The following AAK1 variants were observed in gnomAD, a reference collection of about 807,000 sequenced individuals.
AAK1 encodes AP2-associated protein kinase 1.
Under a neutral mutation model 116.0 loss-of-function variants are expected in AAK1, and 37 were observed. The ratio of observed to expected loss-of-function variants is 0.32; its 90% CI spans 0.25 to 0.42. AAK1 has a LOEUF of 0.42. Among genes scored for constraint, AAK1 ranks in the 10% least tolerant of loss-of-function variants. The pLI is 1.00. For missense variants in AAK1, 919 were observed against 1,170.6 expected (o/e 0.79, Z 3.14); for synonymous variants, 458 against 439.9 (o/e 1.04, Z -0.51).
At chr2:69,533,098 G>A (rs1670323674) in intron 5 of AAK1, among the ~76,000 whole-genome samples, 1 of 152,192 alleles carries the variant, frequency 6.6e-6, no homozygotes, top group Admixed American at 6.5e-5. Context: ...TAAGACTGTA[G>A]TCTCCATTGT....
rs758180262 is a variant in AAK1, at chr2:69,530,660, T to C, written c.703A>G (p.Ser235Gly). 3.1e-6 allele frequency: 5 copies of C among 1,613,812 alleles called. No individual in the cohort carries two copies. Among genetic ancestry groups the C allele is most frequent in the Non-Finnish European group, 4.2e-6 (5 of 1,179,738 alleles). ...YRAPEMVNLY[S>G]GKIITTKADI... Reference sequence around the variant, plus strand: ...GCCTTCGTAGTGATGATTTTGCCACTGTACAGGTTGACCATTTCTGGTGCT... The same window carrying C: ...GCCTTCGTAGTGATGATTTTGCCACCGTACAGGTTGACCATTTCTGGTGCT... The change falls in exon 7 of 22, where the codon AGT becomes GGT. Residue 235 changes from serine (S) to glycine (G), a missense_variant. By Grantham distance (56) the Ser-to-Gly change is moderately conservative (BLOSUM62 0). This residue lies in a region of AAK1 where 317 missense variants were observed against 490.4 expected (regional missense o/e 0.65). Coordinates refer to ENST00000409085, the MANE Select transcript of AAK1 (RefSeq NM_014911.5).
intron 3 of AAK1, among the ~76,000 whole-genome samples, chr2:69,546,974 CA>C (rs1347003537): frequency 6.6e-6 from 1 of 152,208 alleles, no homozygotes; most frequent in African/African-American, 2.4e-5. Context: ...TATTATGGCA[CA>C]AGATCCTTTG....
At chr2:69,496,469 G>A (rs150070891) in intron 16 of AAK1, among the ~76,000 whole-genome samples, 1 of 152,010 alleles carries the variant, frequency 6.6e-6, no homozygotes, top group Admixed American at 6.5e-5. Context: ...TCACCATGTT[G>A]GTCAGGCTAG....
At chr2:69,576,077 C>T (rs2105131790) in intron 2 of AAK1, among the ~76,000 whole-genome samples, 1 of 152,256 alleles carries the variant, frequency 6.6e-6, no homozygotes, top group Non-Finnish European at 1.5e-5. Context: ...TACCCTGGAG[C>T]GGGGAATAGC....
intron 5 of AAK1, 137 bp from the exon 6 acceptor site, chr2:69,532,299 A>C: frequency 9.4e-7 from 1 of 1,060,654 alleles, no homozygotes. Context: ...ATTCCTCTCC[A>C]AGTATCTCAA....
At chr2:69,601,499 C>G (rs78912967) in intron 2 of AAK1, among the ~76,000 whole-genome samples, 3,356 of 152,332 alleles carry the variant, frequency 0.022, 265 homozygotes, top group East Asian at 0.16. Flanking sequence ...TCGGCCAAAG[C>G]CCCAAGGGGC....
At chr2:69,580,150 C>A (rs1672483451) in intron 2 of AAK1, among the ~76,000 whole-genome samples, 1 of 152,184 alleles carries the variant, frequency 6.6e-6, no homozygotes. Context: ...CAGCCACTGG[C>A]TTATTTCAGA....
intron 2 of AAK1, among the ~76,000 whole-genome samples, chr2:69,575,463 A>T (rs893226295): frequency 4.0e-5 from 6 of 150,696 alleles, no homozygotes; most frequent in Admixed American, 2.0e-4. Context: ...AAGATAAACA[A>T]ATTTTTTTTT....
chr2:69,569,938 G>C (rs943487864), intron 2 of AAK1, among the ~76,000 whole-genome samples: 1 of 152,094 alleles, frequency 6.6e-6, no homozygotes, highest in Non-Finnish European at 1.5e-5. Context: ...GAGCACTGTT[G>C]TACAAGTCTT....
intron 7 of AAK1, among the ~76,000 whole-genome samples, chr2:69,530,407 A>C (rs1308130676): frequency 6.6e-6 from 1 of 152,238 alleles, no homozygotes; most frequent in Non-Finnish European, 1.5e-5. Context: ...TACATGAAAA[A>C]AAATCTAAAT....
intron 5 of AAK1, among the ~76,000 whole-genome samples, chr2:69,542,245 T>A (rs576625250): frequency 6.6e-6 from 1 of 152,272 alleles, no homozygotes; most frequent in Admixed American, 6.5e-5. Context: ...CTTTTCACAA[T>A]CCTGAAAAAG....
At chr2:69,633,526 G>A (rs1367966490) in intron 2 of AAK1, among the ~76,000 whole-genome samples, 8 of 151,432 alleles carry the variant, frequency 5.3e-5, no homozygotes, top group African/African-American at 1.9e-4. Context: ...TCTTGAACCC[G>A]GGAGGCAGAG....
chr2:69,617,958 T>A (rs1319445167), intron 2 of AAK1, among the ~76,000 whole-genome samples: 2 of 152,196 alleles, frequency 1.3e-5, no homozygotes, highest in African/African-American at 4.8e-5. Context: ...TTCAGGGAAG[T>A]GGTCCTTCAT....
In AAK1 at chr2:69,468,124, A is replaced by C. The variant is rs1233219510; in HGVS notation, c.*7745T>G. The C allele has an allele frequency of 1.0e-6, 1 of 985,112 alleles. No homozygotes were observed. Among genetic ancestry groups the C allele is most frequent in the East Asian group, 1.1e-4 (1 of 8,824 alleles). 61.0% of individuals were successfully genotyped at this position (985,112 alleles called of 1,614,324 possible). On this transcript the variant is annotated 3_prime_UTR_variant, in exon 22 of 22. Coordinates refer to ENST00000409085, the MANE Select transcript of AAK1 (RefSeq NM_014911.5). ...TTTGAAGAATAAGATTTTGAAAAGA[A>C]TAAATTTTTCCTTGTATTATAATTT... is the stretch of plus-strand genomic sequence containing the variant.
At chr2:69,490,324 T>A (rs541953664) in intron 17 of AAK1, among the ~76,000 whole-genome samples, 6 of 152,232 alleles carry the variant, frequency 3.9e-5, no homozygotes, top group African/African-American at 1.4e-4. Flanking sequence ...CCCAAGAGAA[T>A]TGAAAGCAGG....
Position 69,471,311 on chromosome 2 carries a change from GA to G in AAK1, c.*4557del. The G allele has an allele frequency of 1.0e-6, 1 of 985,466 alleles. No individual in the cohort carries two copies. Among genetic ancestry groups the G allele is most frequent in the Non-Finnish European group, 1.2e-6 (1 of 829,938 alleles). 61.0% of individuals were successfully genotyped at this position (985,466 alleles called of 1,614,324 possible). A position where few individuals can be genotyped will look rare whatever the true frequency, so the allele number is the denominator to read the frequency against. On this transcript the variant is annotated 3_prime_UTR_variant, in exon 22 of 22. Transcript: ENST00000409085. Reference sequence around the variant, plus strand: ...CGTATTAGTGAAAGGAAATCTGGGAGAAGCAAAAGAGGTTTCTTGTTATAGA... The same window carrying G: ...CGTATTAGTGAAAGGAAATCTGGGAGAGCAAAAGAGGTTTCTTGTTATAGA...
intron 2 of AAK1, among the ~76,000 whole-genome samples, chr2:69,605,193 T>C (rs1673746785): frequency 6.6e-6 from 1 of 152,204 alleles, no homozygotes; most frequent in Non-Finnish European, 1.5e-5. Context: ...CACCTTGCTG[T>C]GTACCTACCT....
intron 2 of AAK1, among the ~76,000 whole-genome samples, chr2:69,640,053 A>ACACACACTCT (rs1343518565): frequency 8.6e-4 from 80 of 92,774 alleles, no homozygotes; most frequent in African/African-American, 3.6e-3. Context: ...ACACACACAC[A>ACACACACTCT]CTCTCTCTCT....
rs115153885 is a variant in AAK1, at chr2:69,642,603, G to A, written c.163+275C>T. Among the ~76,000 whole-genome samples, 272 of 151,822 alleles carry A rather than the reference G, an allele frequency of 1.8e-3. 2 individuals are homozygous for A. The highest frequency in any genetic ancestry group is 6.4e-3 in the African/African-American group (263 of 41,344). ...TACACTTTCACACATACGTTTTCTTGTGTGATCCTCAAAATTTGGCTTCTC... is the reference window on the plus strand; with the variant it reads ...TACACTTTCACACATACGTTTTCTTATGTGATCCTCAAAATTTGGCTTCTC... On this transcript the variant is annotated intron_variant, in intron 2 of 21. Transcript: ENST00000409085.
Sources: gnomAD v4.1 joint callset for allele counts (sites outside exome capture counted in the v4.1 genomes callset) on GRCh38, gnomAD v4.1.1 for gene constraint, gnomAD v4.1.1 regional missense constraint, MANE v1.5 for transcripts, NCBI Gene and HGNC (gene_info 2026-07-23, HGNC 2026-07-21) for gene names.